The following ERC1 variants were observed in gnomAD, a reference collection of about 807,000 sequenced individuals.
The protein encoded by ERC1 is RAB6 interacting protein 2.
A neutral mutation model predicts 132.0 loss-of-function variants in ERC1; 56 were observed. The observed-to-expected ratio is 0.42, with a 90% CI of 0.34 to 0.53. The LOEUF (loss-of-function observed/expected upper bound fraction) is 0.53. ERC1 is among the 20% of genes least tolerant of loss of function. ERC1 has a pLI of 0.03. For synonymous variants in ERC1, 478 were observed against 476.1 expected (o/e 1.00, Z -0.05); for missense variants, 1,202 against 1,349.9 (o/e 0.89, Z 1.72).
chr12:1,078,815 T>C (rs1033342030), intron 2 of ERC1, among the ~76,000 whole-genome samples: 1 of 152,110 alleles, frequency 6.6e-6, no homozygotes, highest in African/African-American at 2.4e-5. Context: ...ATTTGTAATA[T>C]GACAAAAGTC....
chr12:1,381,817 C>G (rs1287573245), intron 16 of ERC1, among the ~76,000 whole-genome samples: 1 of 152,198 alleles, frequency 6.6e-6, no homozygotes, highest in Non-Finnish European at 1.5e-5. Flanking sequence ...CCTGAAGTCA[C>G]TATTTTTCCT....
At position 1,495,147 on chromosome 12, in the gene ERC1, C is replaced by T. The variant is rs1292283560; in HGVS notation, c.*4917C>T. 1 of 230,088 alleles carries T rather than the reference C, an allele frequency of 4.3e-6. No individual in the cohort carries two copies. Among genetic ancestry groups the T allele is most frequent in the Non-Finnish European group, 8.6e-6 (1 of 116,174 alleles). The allele number at this position is 230,088 out of a possible 1,614,324, so 14.3% of individuals were successfully genotyped here. A position where few individuals can be genotyped will look rare whatever the true frequency, so the allele number is the denominator to read the frequency against. On this transcript the variant is annotated 3_prime_UTR_variant, in exon 19 of 19. Coordinates refer to ENST00000360905, the MANE Select transcript of ERC1 (RefSeq NM_178040.4). Reference sequence around the variant, plus strand: ...CAGTGTGCCTAATACTGCATGGTAACCTGGGCTTGACCCTGAAGCCCCTGC... The same window carrying T: ...CAGTGTGCCTAATACTGCATGGTAATCTGGGCTTGACCCTGAAGCCCCTGC...
At chr12:1,084,346 T>A (rs1483124060) in intron 3 of ERC1, among the ~76,000 whole-genome samples, 1 of 152,170 alleles carries the variant, frequency 6.6e-6, no homozygotes, top group Non-Finnish European at 1.5e-5. Context: ...TTAGTATGAG[T>A]CTGAATAATT....
chr12:1,468,618 AAGAG>A (rs770039563), intron 18 of ERC1, among the ~76,000 whole-genome samples: 5 of 151,760 alleles, frequency 3.3e-5, no homozygotes, highest in African/African-American at 4.8e-5. Flanking sequence ...AAGACAGAAA[AAGAG>A]AGAGAGAGGA....
intron 13 of ERC1, among the ~76,000 whole-genome samples, chr12:1,256,279 T>A (rs1306232374): frequency 1.2e-5 from 1 of 86,698 alleles, no homozygotes; most frequent in Non-Finnish European, 3.0e-5. Context: ...GTTTTTGCCT[T>A]TTTTTTTTTT....
At chr12:1,050,458 G>A (rs944799288) in intron 2 of ERC1, among the ~76,000 whole-genome samples, 7 of 152,146 alleles carry the variant, frequency 4.6e-5, no homozygotes, top group African/African-American at 1.7e-4. Flanking sequence ...TGAATCACCT[G>A]TGAGCACTTG....
At position 1,101,966 on chromosome 12, in the gene ERC1, G is replaced by A. The variant is rs150695180; in HGVS notation, c.1087-2784G>A. 6.3e-3 allele frequency among the ~76,000 whole-genome samples: 953 copies of A among 152,210 alleles called. 3 individuals carry two copies. The highest frequency in any genetic ancestry group is 0.017 in the Middle Eastern group (5 of 292). ...TCTAATTCGCATAAAGTTACTCTGT[G>A]GATTAGTGAAGGCTTTGGATTCAGG... On this transcript the variant is annotated intron_variant, in intron 3 of 18. Transcript: ENST00000360905.
At chr12:1,075,790 A>G (rs916977945) in intron 2 of ERC1, among the ~76,000 whole-genome samples, 1 of 152,182 alleles carries the variant, frequency 6.6e-6, no homozygotes, top group Non-Finnish European at 1.5e-5. Flanking sequence ...ATTAAGTAGA[A>G]GTGGACCATC....
intron 12 of ERC1, among the ~76,000 whole-genome samples, chr12:1,203,728 A>C (rs370137803): frequency 6.6e-4 from 101 of 152,330 alleles, no homozygotes; most frequent in African/African-American, 2.2e-3. Flanking sequence ...CTTTTTGAAA[A>C]GAGAAAAACT....
At chr12:1,235,192 C>G (rs980110913) in intron 12 of ERC1, among the ~76,000 whole-genome samples, 1 of 152,154 alleles carries the variant, frequency 6.6e-6, no homozygotes, top group Non-Finnish European at 1.5e-5. Flanking sequence ...CATAGTGAAA[C>G]CTCATCTCTA....
Position 1,332,818 on chromosome 12 carries a change from T to C in ERC1, c.2781-39015T>C, listed in dbSNP as rs1357257048. ...GGTGGGGAAAATAATAAACTGCATG[T>C]CCTATGTAAGAGCATAGGGAGGTGA... is the stretch of plus-strand genomic sequence containing the variant. On this transcript the variant is annotated intron_variant, in intron 15 of 18. Coordinates refer to ENST00000360905, the MANE Select transcript of ERC1 (RefSeq NM_178040.4). Among the ~76,000 whole-genome samples the C allele has an allele frequency of 2.6e-5, 4 of 152,280 alleles. No individual in the cohort carries two copies. The East Asian group carries it at 7.7e-4, about 29-fold the overall frequency.
intron 8 of ERC1, among the ~76,000 whole-genome samples, chr12:1,154,276 T>C (rs967364554): frequency 5.3e-5 from 8 of 149,960 alleles, no homozygotes; most frequent in African/African-American, 2.0e-4. Context: ...TATACACATA[T>C]ACATGTATAT....
In ERC1 at chr12:1,122,569, GTGTCTCT is replaced by G. The variant is rs1566021346; in HGVS notation, c.1569+6537_1569+6543del. 1.3e-3 allele frequency among the ~76,000 whole-genome samples: 8 copies of G among 5,934 alleles called. 2 individuals are homozygous for G. Among genetic ancestry groups the G allele is most frequent in the Non-Finnish European group, 1.6e-3 (4 of 2,486 alleles). The allele number at this position is 5,934 out of a possible 152,430, so 3.9% of individuals were successfully genotyped here. A position where few individuals can be genotyped will look rare whatever the true frequency, so the allele number is the denominator to read the frequency against. On this transcript the variant is annotated intron_variant, in intron 7 of 18. Coordinates refer to ENST00000360905, the MANE Select transcript of ERC1 (RefSeq NM_178040.4). ...TGTGTCTCTATCTCTATCTCTATCT[GTGTCTCT>G]ATCTCTATCTCTATCTCTATCTGTG... is the stretch of plus-strand genomic sequence containing the variant.
At chr12:1,094,900 G>A (rs1192204925) in intron 3 of ERC1, among the ~76,000 whole-genome samples, 1 of 151,936 alleles carries the variant, frequency 6.6e-6, no homozygotes, top group East Asian at 1.9e-4. Context: ...TTTTATTTCT[G>A]TCTCCGCTGT....
At chr12:1,219,275 A>G (rs1412539400) in intron 12 of ERC1, among the ~76,000 whole-genome samples, 1 of 152,150 alleles carries the variant, frequency 6.6e-6, no homozygotes, top group Non-Finnish European at 1.5e-5. Context: ...TATTACCTAC[A>G]CAATGTCTTT....
At chr12:1,039,346 A>T (rs977357811) in intron 2 of ERC1, among the ~76,000 whole-genome samples, 10 of 149,586 alleles carry the variant, frequency 6.7e-5, no homozygotes, top group African/African-American at 1.7e-4. Context: ...TCAAAAAAAA[A>T]AAAAAATAAA....
intron 13 of ERC1, among the ~76,000 whole-genome samples, chr12:1,256,418 TAA>T (rs796558976): frequency 0.025 from 3,150 of 123,576 alleles, 129 homozygotes; most frequent in South Asian, 0.075. Flanking sequence ...GTTCTCAGAC[TAA>T]AAAAAAAAAA....
At chr12:1,190,754 A>G (rs568860536) in intron 12 of ERC1, among the ~76,000 whole-genome samples, 3 of 152,272 alleles carry the variant, frequency 2.0e-5, no homozygotes, top group East Asian at 1.9e-4. Flanking sequence ...TTTAACATAA[A>G]TGTAAAACTG....
chr12:1,218,431 A>C (rs1354705983), intron 12 of ERC1, among the ~76,000 whole-genome samples: 1 of 152,118 alleles, frequency 6.6e-6, no homozygotes, highest in Admixed American at 6.5e-5. Flanking sequence ...GTGATGTCTT[A>C]TTCTAGTTGC....
Sources: gnomAD v4.1 joint callset for allele counts (sites outside exome capture counted in the v4.1 genomes callset) on GRCh38, gnomAD v4.1.1 for gene constraint, MANE v1.5 for transcripts, NCBI Gene and HGNC (gene_info 2026-07-23, HGNC 2026-07-21) for gene names.